The following QTMAN variants were observed in gnomAD, a reference collection of about 807,000 sequenced individuals.
The protein encoded by QTMAN is queuosine-tRNA mannosyltransferase.
chr2:143,961,191 T>C, the QTMAN span, among the ~76,000 whole-genome samples: 6,896 of 152,180 alleles, frequency 0.045, 224 homozygotes, highest in South Asian at 0.072. Context: ...AACTCACTAG[T>C]TGGATCCAGA....
chr2:144,057,504 T>C, the QTMAN span, among the ~76,000 whole-genome samples: 3 of 152,342 alleles, frequency 2.0e-5, no homozygotes, highest in East Asian at 5.8e-4. Context: ...ATGATGATCC[T>C]GACCACTTAT....
chr2:143,953,423 A>T, the QTMAN span, among the ~76,000 whole-genome samples: 4 of 151,850 alleles, frequency 2.6e-5, no homozygotes, highest in African/African-American at 7.2e-5. Flanking sequence ...TCTCATGAAG[A>T]TTACTTTAAT....
chr2:144,178,562 T>C, the QTMAN span: 1 of 154,208 alleles, frequency 6.5e-6, no homozygotes, highest in Non-Finnish European at 1.4e-5. Context: ...TCTTTCTCTA[T>C]TTCAGCTGCC....
At chr2:144,115,754 A>T in the QTMAN span, among the ~76,000 whole-genome samples, 1 of 152,152 alleles carries the variant, frequency 6.6e-6, no homozygotes, top group Non-Finnish European at 1.5e-5. Context: ...TCTGTTATAC[A>T]CAGGTCATAA....
At chr2:143,983,468 GTTTTTT>G in the QTMAN span, among the ~76,000 whole-genome samples, 1 of 115,998 alleles carries the variant, frequency 8.6e-6, no homozygotes, top group Non-Finnish European at 1.7e-5. Context: ...CATTTTTGAG[GTTTTTT>G]TTTTTTTTTT....
At chr2:144,226,752 T>G in the QTMAN span, among the ~76,000 whole-genome samples, 3 of 152,246 alleles carry the variant, frequency 2.0e-5, no homozygotes, top group Admixed American at 6.5e-5. Flanking sequence ...TAGGGGATGT[T>G]GTATGGGAGA....
At chr2:144,146,058 T>C in the QTMAN span, among the ~76,000 whole-genome samples, 1 of 133,124 alleles carries the variant, frequency 7.5e-6, no homozygotes, top group Non-Finnish European at 1.6e-5. Context: ...AAAAGCTCTA[T>C]CTGAAGGACA....
chr2:143,963,677 T>A, the QTMAN span: 13 of 152,144 alleles, frequency 8.5e-5, no homozygotes, highest in African/African-American at 2.9e-4. Flanking sequence ...GCACCCTAAT[T>A]GGAGTCTTGT....
At chr2:144,305,190 T>C in the QTMAN span, among the ~76,000 whole-genome samples, 5 of 152,208 alleles carry the variant, frequency 3.3e-5, no homozygotes, top group Non-Finnish European at 5.9e-5. Flanking sequence ...CAAGAACAAG[T>C]AGACTTACTC....
the QTMAN span, chr2:144,319,658 CACACT>C: frequency 6.6e-6 from 1 of 151,966 alleles, no homozygotes; most frequent in Non-Finnish European, 1.5e-5. Flanking sequence ...AAGAATATGC[CACACT>C]TCTTTTTCAA....
At chr2:144,272,629 T>C in the QTMAN span, among the ~76,000 whole-genome samples, 301 of 152,296 alleles carry the variant, frequency 2.0e-3, 1 homozygote, top group Non-Finnish European at 3.3e-3. Flanking sequence ...ATCAGGCCTC[T>C]GGGTTCTTCA....
chr2:144,232,204 G>A, the QTMAN span, among the ~76,000 whole-genome samples: 1 of 152,110 alleles, frequency 6.6e-6, no homozygotes, highest in Non-Finnish European at 1.5e-5. Context: ...TTGAATATTT[G>A]TTTGTTTTGC....
chr2:144,150,423 G>A, the QTMAN span, among the ~76,000 whole-genome samples: 2 of 152,036 alleles, frequency 1.3e-5, no homozygotes, highest in Non-Finnish European at 2.9e-5. Context: ...GTCCACATAT[G>A]ACTAGCTACA....
the QTMAN span, among the ~76,000 whole-genome samples, chr2:144,267,426 G>A: frequency 6.6e-6 from 1 of 152,198 alleles, no homozygotes; most frequent in Admixed American, 6.5e-5. Flanking sequence ...AGGAGATTGA[G>A]AACTGAGAAA....
the QTMAN span, chr2:144,141,991 C>A: frequency 6.2e-7 from 1 of 1,610,238 alleles, no homozygotes; most frequent in Non-Finnish European, 8.5e-7. Flanking sequence ...ATAAATTTTC[C>A]CATGGAAGTG....
At chr2:144,225,364 T>C in the QTMAN span, among the ~76,000 whole-genome samples, 1 of 152,188 alleles carries the variant, frequency 6.6e-6, no homozygotes, top group African/African-American at 2.4e-5. Context: ...TCCCTACCTA[T>C]AGCTACATTT....
the QTMAN span, among the ~76,000 whole-genome samples, chr2:144,290,659 A>C: frequency 6.6e-6 from 1 of 152,178 alleles, no homozygotes; most frequent in African/African-American, 2.4e-5. Flanking sequence ...CCCATTACAG[A>C]CACACTGTCC....
chr2:144,131,970 G>T, the QTMAN span, among the ~76,000 whole-genome samples: 1 of 151,824 alleles, frequency 6.6e-6, no homozygotes, highest in African/African-American at 2.4e-5. Flanking sequence ...CCAAAGCTTG[G>T]TGAGTCTTAG....
the QTMAN span, among the ~76,000 whole-genome samples, chr2:144,110,312 G>A: frequency 3.9e-5 from 6 of 152,202 alleles, no homozygotes; most frequent in East Asian, 5.8e-4. Context: ...AACACCGCAT[G>A]TTCTCACTCA....
Sources: gnomAD v4.1 joint callset for allele counts (sites outside exome capture counted in the v4.1 genomes callset) on GRCh38, gnomAD v4.1.1 for gene constraint, MANE v1.5 for transcripts, NCBI Gene and HGNC (gene_info 2026-07-23, HGNC 2026-07-21) for gene names.